OLAH: variants seen among roughly 807,000 people sequenced by gnomAD.
The protein encoded by OLAH is oleoyl-ACP hydrolase, also known as S-acyl fatty acid synthase thioesterase, medium chain.
In OLAH, 33 loss-of-function variants were observed where a neutral mutation model predicts 27.8. The ratio of observed to expected loss-of-function variants is 1.19; its 90% CI spans 0.90 to 1.59. The LOEUF is 1.59. Ranked by LOEUF, OLAH falls within the 40% of genes most tolerant of loss-of-function variation. The pLI is 0.00. For synonymous variants in OLAH, 120 were observed against 102.9 expected (o/e 1.17, Z -1.01); for missense variants, 359 against 310.8 (o/e 1.16, Z -1.17).
intron 6 of OLAH, among the ~76,000 whole-genome samples, chr10:15,069,661 G>A (rs1844542156): frequency 6.6e-6 from 1 of 152,216 alleles, no homozygotes; most frequent in Admixed American, 6.5e-5. Context: ...GAGGTCAGGA[G>A]TTCGAGACCA....
In OLAH at chr10:15,047,176, C is replaced by G; in HGVS notation, c.-113C>G. 3 of 969,630 alleles carry G rather than the reference C, an allele frequency of 3.1e-6. No individual in the cohort carries two copies. Among genetic ancestry groups the G allele is most frequent in the African/African-American group, 1.6e-5 (1 of 60,724 alleles). The allele number at this position is 969,630 out of a possible 1,614,324, so 60.1% of individuals were successfully genotyped here. ...GCGCCTTTAAAAAGAAATCTACTCA[C>G]TCTTCTGTGTGCATAAGGCCGAGCA... is the stretch of plus-strand genomic sequence containing the variant. On this transcript the variant is annotated 5_prime_UTR_variant, in exon 2 of 8. Transcript: ENST00000378228.
chr10:15,047,222 G>C lies in OLAH; in HGVS notation c.-67G>C. 5.8e-6 allele frequency: 9 copies of C among 1,550,034 alleles called. No individual in the cohort carries two copies. Among genetic ancestry groups the C allele is most frequent in the Non-Finnish European group, 7.1e-6 (8 of 1,130,264 alleles). ...GAGCAGAGGTTCTTCGTCTCAAGAG[G>C]AACTGACTTCTGTTGAGCACTCAAC... On this transcript the variant is annotated 5_prime_UTR_variant, in exon 2 of 8. Coordinates refer to ENST00000378228, the MANE Select transcript of OLAH (RefSeq NM_001039702.3).
upstream of OLAH, among the ~76,000 whole-genome samples, chr10:15,043,322 G>C (rs539591096): frequency 6.6e-6 from 1 of 152,150 alleles, no homozygotes; most frequent in African/African-American, 2.4e-5. Flanking sequence ...AGGGTGCTTG[G>C]TCCTTAGTGT....
intron 3 of OLAH, among the ~76,000 whole-genome samples, chr10:15,050,707 A>AT (rs1227629424): frequency 1.3e-5 from 2 of 151,146 alleles, no homozygotes; most frequent in African/African-American, 4.9e-5. Flanking sequence ...CGCCCAGCTA[A>AT]TTTTTTTGTA....
chr10:15,047,087 TCTC>T (rs1192329294), intron 1 of OLAH, 36 bp from the exon 2 acceptor site: 3 of 472,774 alleles, frequency 6.3e-6, no homozygotes, highest in African/African-American at 2.0e-5. Context: ...TTCTCTGTCT[TCTC>T]CTTCCTTTTC....
chr10:15,044,663 A>T (rs1204116492), intron 1 of OLAH, among the ~76,000 whole-genome samples: 1 of 152,008 alleles, frequency 6.6e-6, no homozygotes, highest in African/African-American at 2.4e-5. Flanking sequence ...ACTTGTCTGA[A>T]AATGTCTTTA....
chr10:15,046,207 G>A (rs369757137), intron 1 of OLAH, among the ~76,000 whole-genome samples: 4 of 151,234 alleles, frequency 2.6e-5, no homozygotes, highest in African/African-American at 4.9e-5. Context: ...TTATCTGGGC[G>A]CAGTGGTGGG....
intron 3 of OLAH, among the ~76,000 whole-genome samples, chr10:15,052,398 C>T (rs1267462062): frequency 6.6e-6 from 1 of 152,168 alleles, no homozygotes; most frequent in Admixed American, 6.5e-5. Flanking sequence ...TAAGTTCCTC[C>T]ATCTCTAAGA....
At chr10:15,032,520 G>C (rs1473025642) in intron 1 of OLAH, among the ~76,000 whole-genome samples, 1 of 149,110 alleles carries the variant, frequency 6.7e-6, no homozygotes, top group African/African-American at 2.5e-5. Context: ...CCACTCAGGA[G>C]AGAGGCAGGA....
At chr10:15,051,430 A>T (rs773624618) in intron 3 of OLAH, among the ~76,000 whole-genome samples, 6 of 152,212 alleles carry the variant, frequency 3.9e-5, no homozygotes, top group Non-Finnish European at 8.8e-5. Flanking sequence ...TCTGAGAGGG[A>T]TTAGCCATCT....
chr10:15,047,192 A>C lies in OLAH; in HGVS notation c.-97A>C. The C allele has an allele frequency of 8.0e-7, 1 of 1,246,492 alleles. No homozygotes were observed. Among genetic ancestry groups the C allele is most frequent in the Non-Finnish European group, 1.1e-6 (1 of 880,136 alleles). 77.2% of individuals were successfully genotyped at this position (1,246,492 alleles called of 1,614,324 possible). A position where few individuals can be genotyped will look rare whatever the true frequency, so the allele number is the denominator to read the frequency against. On this transcript the variant is annotated 5_prime_UTR_variant, in exon 2 of 8. Transcript: ENST00000378228. ...ATCTACTCACTCTTCTGTGTGCATA[A>C]GGCCGAGCAGAGGTTCTTCGTCTCA...
rs1196204020 is a variant in OLAH at position 15,049,698 on chromosome 10, T to C, written c.96T>C (p.Phe32=). 2 of 1,610,638 alleles carry C rather than the reference T, an allele frequency of 1.2e-6. No homozygotes were observed. The highest frequency in any genetic ancestry group is 2.2e-5 in the East Asian group (1 of 44,820). The change falls in exon 3 of 8, where the codon TTT becomes TTC. Residue 32 remains phenylalanine (F), a synonymous_variant. Coordinates refer to ENST00000378228, the MANE Select transcript of OLAH (RefSeq NM_001039702.3). ...NPEATFKLIC[F]PWMGGGSTHF... is the part of the protein sequence containing the mutation. ...AGGCAACTTTTAAGCTGATTTGCTT[T>C]CCCTGGATGGGAGGTGGCTCCACTC... is the stretch of plus-strand genomic sequence containing the variant.
chr10:15,064,986 A>G (rs904059188), intron 5 of OLAH, among the ~76,000 whole-genome samples: 18 of 152,220 alleles, frequency 1.2e-4, no homozygotes, highest in Non-Finnish European at 7.3e-5. Context: ...AAAAACCACA[A>G]TTGATTTTGC....
At position 15,035,057 on chromosome 10, in the gene OLAH, C is replaced by T. The variant is rs1003805778; in HGVS notation, c.-164+2707C>T. Among the ~76,000 whole-genome samples, 9 of 152,192 alleles carry T rather than the reference C, an allele frequency of 5.9e-5. No homozygotes were observed. The East Asian group carries it at 9.7e-4, about 16-fold the overall frequency. On this transcript the variant is annotated intron_variant, in intron 1 of 3. Coordinates refer to the OLAH transcript ENST00000413672. ...CGTCGTGATCCGCCCACCTCGGCCT[C>T]CCAAAGTGCTGGGATTACAGGCGCT... is the stretch of plus-strand genomic sequence containing the variant.
intron 6 of OLAH, among the ~76,000 whole-genome samples, chr10:15,066,610 TTTA>T (rs1413254625): frequency 0.013 from 146 of 11,018 alleles, 1 homozygote; most frequent in African/African-American, 0.071. Flanking sequence ...TTTTATTTTA[TTTA>T]TTTATTTATT....
intron 7 of OLAH, 25 bp from the exon 8 acceptor site, chr10:15,073,062 T>C (rs1844623204): frequency 6.2e-7 from 1 of 1,606,876 alleles, no homozygotes; most frequent in African/African-American, 1.3e-5. Flanking sequence ...GTGTTGTTAT[T>C]GAATACAATC....
At chr10:15,050,833 G>A (rs559776376) in intron 3 of OLAH, among the ~76,000 whole-genome samples, 31 of 151,760 alleles carry the variant, frequency 2.0e-4, no homozygotes, top group African/African-American at 4.8e-4. Context: ...GAGCCACCGC[G>A]CCTGGCCCCA....
At chr10:15,046,583 T>G (rs1390368003) in intron 1 of OLAH, among the ~76,000 whole-genome samples, 3 of 151,920 alleles carry the variant, frequency 2.0e-5, no homozygotes, top group African/African-American at 7.2e-5. Flanking sequence ...TTCTCCTGCC[T>G]CAGCCTCCCA....
At chr10:15,049,443 A>G (rs34489739) in intron 2 of OLAH, among the ~76,000 whole-genome samples, 192 bp from the exon 3 acceptor site, 35,307 of 152,012 alleles carry the variant, frequency 0.23, 4,232 homozygotes, top group South Asian at 0.35. Flanking sequence ...CTAAAAATCT[A>G]TGTATTCAAA....
Sources: allele counts gnomAD v4.1 joint callset (sites outside exome capture counted in the v4.1 genomes callset), GRCh38; gene constraint gnomAD v4.1.1; transcripts MANE v1.5; gene names NCBI Gene and HGNC (gene_info 2026-07-23, HGNC 2026-07-21).